GALNT18: variants seen among roughly 807,000 people sequenced by gnomAD.
GALNT18 encodes the protein polypeptide N-acetylgalactosaminyltransferase 18.
Under a neutral mutation model 69.5 loss-of-function variants are expected in GALNT18, and 44 were observed. That is an observed-to-expected ratio of 0.63 (90% CI 0.50 to 0.81). The LOEUF (loss-of-function observed/expected upper bound fraction) is 0.81, where lower values mean the gene tolerates loss of function less well. Among genes scored for constraint, GALNT18 ranks in the 40% least tolerant of loss-of-function variants. GALNT18 has a pLI of 0.00. For synonymous variants in GALNT18, 364 were observed against 318.2 expected (o/e 1.14, Z -1.53); for missense variants, 715 against 810.0 (o/e 0.88, Z 1.42).
At position 11,336,377 on chromosome 11, in the gene GALNT18, G is replaced by A. The variant is rs1429255568; in HGVS notation, c.1279-3546C>T. Reference sequence around the variant, plus strand: ...GAGGCCTCAGCTTAGAAGGCAACAAGCAGAGGATGTCTGTCCAGCATGAAC... The same window carrying A: ...GAGGCCTCAGCTTAGAAGGCAACAAACAGAGGATGTCTGTCCAGCATGAAC... On this transcript the variant is annotated intron_variant, in intron 7 of 10. Coordinates refer to ENST00000227756, the MANE Select transcript of GALNT18 (RefSeq NM_198516.3). Among the ~76,000 whole-genome samples, 3 of 152,170 alleles carry A rather than the reference G, an allele frequency of 2.0e-5. No homozygotes were observed. The South Asian group carries it at 6.2e-4, about 32-fold the overall frequency.
At chr11:11,589,174 GC>G (rs1405868636) in intron 1 of GALNT18, among the ~76,000 whole-genome samples, 1 of 152,188 alleles carries the variant, frequency 6.6e-6, no homozygotes, top group Non-Finnish European at 1.5e-5. Flanking sequence ...GGAGGGAGAA[GC>G]CAGGAAGGAA....
At chr11:11,334,248 A>C (rs981025826) in intron 7 of GALNT18, among the ~76,000 whole-genome samples, 1 of 152,154 alleles carries the variant, frequency 6.6e-6, no homozygotes, top group Non-Finnish European at 1.5e-5. Context: ...CTTGAGTGAA[A>C]ACACAATTTA....
intron 2 of GALNT18, among the ~76,000 whole-genome samples, chr11:11,441,952 T>C (rs527979746): frequency 6.6e-6 from 1 of 152,204 alleles, no homozygotes; most frequent in Non-Finnish European, 1.5e-5. Context: ...CTGTACACTG[T>C]CTTGTTTTCC....
chr11:11,275,311 T>G lies in GALNT18; in HGVS notation c.1678-4021A>C, dbSNP rs113794033. On this transcript the variant is annotated intron_variant, in intron 10 of 10. Coordinates refer to ENST00000227756, the MANE Select transcript of GALNT18 (RefSeq NM_198516.3). ...TAATGACCAGAGATAATGACCATTT[T>G]TTCATGTGTCTGTTGGCTGCATAAA... 6.6e-5 allele frequency among the ~76,000 whole-genome samples: 10 copies of G among 151,014 alleles called. 1 individual carries two copies. The highest frequency in any genetic ancestry group is 2.4e-4 in the African/African-American group (10 of 41,410).
At chr11:11,353,000 C>A (rs1343650458) in intron 6 of GALNT18, 1 of 1,614,088 alleles carries the variant, frequency 6.2e-7, no homozygotes, top group African/African-American at 1.3e-5. Context: ...TTCGAACCAG[C>A]TGGTAGTCAT....
chr11:11,433,137 C>T (rs1346735445), intron 2 of GALNT18, among the ~76,000 whole-genome samples: 2 of 152,218 alleles, frequency 1.3e-5, no homozygotes, highest in East Asian at 3.8e-4. Context: ...GGGAATGCAA[C>T]CAAAGTAAAT....
chr11:11,572,142 C>T (rs775732805), intron 1 of GALNT18, among the ~76,000 whole-genome samples: 1 of 152,232 alleles, frequency 6.6e-6, no homozygotes, highest in South Asian at 2.1e-4. Context: ...TGGGCATCAT[C>T]GAGTAGTGGT....
chr11:11,504,760 AAT>A (rs35308753), intron 1 of GALNT18, among the ~76,000 whole-genome samples: 7 of 149,682 alleles, frequency 4.7e-5, no homozygotes, highest in African/African-American at 1.7e-4. Flanking sequence ...CCCATCTCAA[AAT>A]ATATATATAT....
At chr11:11,400,812 A>G (rs995630549) in intron 3 of GALNT18, among the ~76,000 whole-genome samples, 3 of 151,970 alleles carry the variant, frequency 2.0e-5, no homozygotes, top group African/African-American at 7.3e-5. Context: ...AATTGGCTGG[A>G]TGGTGATGGA....
intron 1 of GALNT18, among the ~76,000 whole-genome samples, chr11:11,607,820 C>A (rs566279372): frequency 6.6e-6 from 1 of 152,294 alleles, no homozygotes; most frequent in South Asian, 2.1e-4. Context: ...GAGACTAACC[C>A]ACCAGGTAAC....
At chr11:11,453,687 C>T (rs367755477) in intron 1 of GALNT18, among the ~76,000 whole-genome samples, 8 of 152,116 alleles carry the variant, frequency 5.3e-5, no homozygotes, top group Non-Finnish European at 1.0e-4. Context: ...TAGTGAATAA[C>T]CCTCAAGAGA....
At chr11:11,423,679 T>A (rs574296291) in intron 3 of GALNT18, among the ~76,000 whole-genome samples, 3 of 152,240 alleles carry the variant, frequency 2.0e-5, no homozygotes, top group Admixed American at 2.0e-4. Flanking sequence ...AGGACAAAAT[T>A]CAAATAAGTT....
chr11:11,474,509 T>C (rs1055288721), intron 1 of GALNT18, among the ~76,000 whole-genome samples: 19 of 152,180 alleles, frequency 1.2e-4, no homozygotes, highest in African/African-American at 4.3e-4. Context: ...ATTAACATAA[T>C]TGAAAGTTCA....
At chr11:11,488,331 C>G (rs1030650260) in intron 1 of GALNT18, among the ~76,000 whole-genome samples, 1 of 152,064 alleles carries the variant, frequency 6.6e-6, no homozygotes, top group African/African-American at 2.4e-5. Flanking sequence ...GACTCGGGGT[C>G]CTCTTCGTCT....
At position 11,465,374 on chromosome 11, in the gene GALNT18, G is replaced by A. The variant is rs142660030; in HGVS notation, c.236-16438C>T. 6.6e-6 allele frequency among the ~76,000 whole-genome samples: 1 copy of A among 152,274 alleles called. No homozygotes were observed. Among genetic ancestry groups the A allele is most frequent in the East Asian group, 1.9e-4 (1 of 5,178 alleles). On this transcript the variant is annotated intron_variant, in intron 1 of 10. Transcript: ENST00000227756. The surrounding 1 kb of genome is among the most constrained non-coding windows in gnomAD (Gnocchi z 5.7). ...TAGGAAGCAGAGATTCCCACCTTATGGAGCTGTCACTGTGCAGGAAAACAC... is the reference window on the plus strand; with the variant it reads ...TAGGAAGCAGAGATTCCCACCTTATAGAGCTGTCACTGTGCAGGAAAACAC...
At position 11,618,126 on chromosome 11, in the gene GALNT18, C is replaced by T. The variant is rs1860100692; in HGVS notation, c.235+3233G>A. 6.6e-6 allele frequency among the ~76,000 whole-genome samples: 1 copy of T among 152,226 alleles called. No homozygotes were observed. Among genetic ancestry groups the T allele is most frequent in the South Asian group, 2.1e-4 (1 of 4,828 alleles). On this transcript the variant is annotated intron_variant, in intron 1 of 10. Transcript: ENST00000227756. This position sits in a 1 kb window ranked among gnomAD's most constrained non-coding sequence, Gnocchi z 6.1. The stretch of plus-strand genomic sequence containing the variant: ...ACTTTTCAGTCATGACTAGAACAGA[C>T]CTCTGGGGTGATGCTCCAAAGCCTC...
chr11:11,543,565 G>T lies in GALNT18; in HGVS notation c.235+77794C>A, dbSNP rs557505136. Reference sequence around the variant, plus strand: ...GGAGTCTTTCCCACAGCATGCCAGGGGCCAGGGGTGTGGGGAAGGGCAGGG... The same window carrying T: ...GGAGTCTTTCCCACAGCATGCCAGGTGCCAGGGGTGTGGGGAAGGGCAGGG... On this transcript the variant is annotated intron_variant, in intron 1 of 10. Transcript: ENST00000227756. This position sits in a 1 kb window ranked among gnomAD's most constrained non-coding sequence, Gnocchi z 5.1. Among the ~76,000 whole-genome samples the T allele has an allele frequency of 7.9e-5, 12 of 152,236 alleles. No individual in the cohort carries two copies. The highest frequency in any genetic ancestry group is 2.6e-4 in the African/African-American group (11 of 41,544).
At chr11:11,422,631 T>C (rs1460419383) in intron 3 of GALNT18, among the ~76,000 whole-genome samples, 1 of 152,142 alleles carries the variant, frequency 6.6e-6, no homozygotes, top group Non-Finnish European at 1.5e-5. Context: ...GTTTTTTTTT[T>C]TTTAACTTTT....
chr11:11,275,385 G>A (rs187382642), intron 10 of GALNT18, among the ~76,000 whole-genome samples: 83 of 152,206 alleles, frequency 5.5e-4, no homozygotes, highest in Middle Eastern at 3.4e-3. Flanking sequence ...TTTTAGATGG[G>A]GTTGTTTGTT....
Sources: allele counts gnomAD v4.1 joint callset (sites outside exome capture counted in the v4.1 genomes callset), GRCh38; gene constraint gnomAD v4.1.1; non-coding constraint Gnocchi (gnomAD v3.1); transcripts MANE v1.5; gene names NCBI Gene and HGNC (gene_info 2026-07-23, HGNC 2026-07-21).